The following NBAS variants were observed in gnomAD, a reference collection of about 807,000 sequenced individuals.
NBAS encodes NAG/BC035112 fusion.
Under a neutral mutation model 302.5 loss-of-function variants are expected in NBAS, and 219 were observed. That is an observed-to-expected ratio of 0.72 (90% CI 0.65 to 0.81). The LOEUF (loss-of-function observed/expected upper bound fraction) is 0.81. Ranked by LOEUF, NBAS falls within the 30% of genes least tolerant of loss-of-function variation. The pLI is 0.00. For missense variants in NBAS, 2,932 were observed against 2,841.6 expected (o/e 1.03, Z -0.72); for synonymous variants, 1,118 against 1,021.6 (o/e 1.09, Z -1.80).
chr2:14,822,234 T>C, the NBAS span, among the ~76,000 whole-genome samples: 1 of 152,168 alleles, frequency 6.6e-6, no homozygotes. Context: ...TTTTCTTGTT[T>C]TTACTATTGC....
At chr2:15,421,276 T>C (rs1677200887) in intron 23 of NBAS, among the ~76,000 whole-genome samples, 1 of 152,200 alleles carries the variant, frequency 6.6e-6, no homozygotes, top group African/African-American at 2.4e-5. Context: ...TACTCACCAA[T>C]TTTGTGATCC....
chr2:14,930,177 T>C, the NBAS span, among the ~76,000 whole-genome samples: 1 of 152,212 alleles, frequency 6.6e-6, no homozygotes, highest in East Asian at 1.9e-4. Context: ...AATGGACTAA[T>C]ATATTGGACT....
chr2:15,030,255 G>A, the NBAS span, among the ~76,000 whole-genome samples: 42 of 152,228 alleles, frequency 2.8e-4, no homozygotes, highest in African/African-American at 9.6e-4. Context: ...GACACATTCC[G>A]GAACAGATAG....
the NBAS span, among the ~76,000 whole-genome samples, chr2:14,871,395 G>A: frequency 1.3e-5 from 2 of 151,974 alleles, no homozygotes; most frequent in Non-Finnish European, 2.9e-5. Flanking sequence ...TGACATCTGA[G>A]AATATCCATT....
the NBAS span, among the ~76,000 whole-genome samples, chr2:14,864,536 C>T: frequency 2.0e-5 from 3 of 152,084 alleles, no homozygotes; most frequent in Non-Finnish European, 4.4e-5. Context: ...AACTCAGAAT[C>T]CTTTTCTACT....
the NBAS span, among the ~76,000 whole-genome samples, chr2:14,848,467 GATCAAACTGCA>G: frequency 7.0e-6 from 1 of 143,468 alleles, no homozygotes; most frequent in African/African-American, 2.9e-5. Context: ...AGCAGTCTGA[GATCAAACTGCA>G]AGGCGGCAGC....
At chr2:15,118,786 T>C in the NBAS span, among the ~76,000 whole-genome samples, 1 of 152,256 alleles carries the variant, frequency 6.6e-6, no homozygotes, top group Admixed American at 6.5e-5. Context: ...AGATGTCACA[T>C]GGGACAGAGA....
At chr2:15,382,701 A>C (rs1338746135) in intron 29 of NBAS, among the ~76,000 whole-genome samples, 1 of 152,194 alleles carries the variant, frequency 6.6e-6, no homozygotes, top group Non-Finnish European at 1.5e-5. Context: ...GGCATCTTCT[A>C]TAGCTTTCTA....
the NBAS span, among the ~76,000 whole-genome samples, chr2:15,080,026 C>G: frequency 6.6e-6 from 1 of 152,136 alleles, no homozygotes; most frequent in Admixed American, 6.6e-5. Context: ...TACAATCTGA[C>G]CTTATAGGTT....
chr2:15,281,096 T>C (rs886612391), intron 42 of NBAS, among the ~76,000 whole-genome samples: 4 of 152,184 alleles, frequency 2.6e-5, no homozygotes, highest in Non-Finnish European at 5.9e-5. Flanking sequence ...AAGAGTGTCT[T>C]AGAGTCTATT....
the NBAS span, among the ~76,000 whole-genome samples, chr2:15,079,758 C>T: frequency 1.3e-5 from 2 of 152,194 alleles, no homozygotes; most frequent in Non-Finnish European, 1.5e-5. Flanking sequence ...TTGTGCCACT[C>T]ACCATCCTGT....
chr2:14,800,747 T>A, the NBAS span, among the ~76,000 whole-genome samples: 1 of 152,060 alleles, frequency 6.6e-6, no homozygotes, highest in South Asian at 2.1e-4. Flanking sequence ...ATTGTAATTA[T>A]TTTCACTTTA....
chr2:14,796,161 A>G, the NBAS span, among the ~76,000 whole-genome samples: 6 of 152,204 alleles, frequency 3.9e-5, no homozygotes, highest in Non-Finnish European at 7.4e-5. Flanking sequence ...CTGACCATAT[A>G]TGTGGTGGGT....
chr2:15,314,579 C>T (rs1016609790), intron 38 of NBAS, among the ~76,000 whole-genome samples: 1 of 152,170 alleles, frequency 6.6e-6, no homozygotes, highest in Non-Finnish European at 1.5e-5. Flanking sequence ...TGAAAAACCA[C>T]AGCCCAAAAA....
chr2:15,501,383 G>A (rs1382603000), intron 11 of NBAS, among the ~76,000 whole-genome samples: 2 of 151,974 alleles, frequency 1.3e-5, no homozygotes, highest in African/African-American at 4.8e-5. Flanking sequence ...AAGAACCTGT[G>A]GACTACTAAT....
the NBAS span, among the ~76,000 whole-genome samples, chr2:14,881,334 GA>G: frequency 6.6e-6 from 1 of 152,052 alleles, no homozygotes; most frequent in Non-Finnish European, 1.5e-5. Flanking sequence ...AAAATCAATG[GA>G]AACAACAGAC....
the NBAS span, among the ~76,000 whole-genome samples, chr2:14,897,101 C>T: frequency 2.7e-4 from 40 of 149,586 alleles, no homozygotes; most frequent in Non-Finnish European, 4.3e-4. Flanking sequence ...ATGGGAAAAA[C>T]GAAGGCCTCC....
intron 21 of NBAS, among the ~76,000 whole-genome samples, chr2:15,444,904 A>G (rs1678642673): frequency 6.6e-6 from 1 of 151,886 alleles, no homozygotes; most frequent in Non-Finnish European, 1.5e-5. Context: ...ACATGAAAAA[A>G]TGCTCACCAT....
rs116180907 is a variant in NBAS at position 15,437,688 on chromosome 2, T to C, written c.2340-9894A>G. On this transcript the variant is annotated intron_variant, in intron 21 of 51. Coordinates refer to ENST00000281513, the MANE Select transcript of NBAS (RefSeq NM_015909.4). ...AAGAATTTGAAGAAAACAGTTCTTA[T>C]GACTGTCAATATAGATTTTTAACTA... Among the ~76,000 whole-genome samples the C allele has an allele frequency of 6.7e-3, 1,016 of 152,356 alleles. 9 individuals are homozygous for C. Among genetic ancestry groups the C allele is most frequent in the South Asian group, 0.023 (113 of 4,820 alleles).
Sources: allele counts gnomAD v4.1 joint callset (sites outside exome capture counted in the v4.1 genomes callset), GRCh38; gene constraint gnomAD v4.1.1; transcripts MANE v1.5; gene names NCBI Gene and HGNC (gene_info 2026-07-23, HGNC 2026-07-21).